CHD1L: variants seen among roughly 807,000 people sequenced by gnomAD.
CHD1L encodes ATP-dependent chromatin remodeler CHD1L.
CHD1L carries 118 observed loss-of-function variants against 115.9 expected under a neutral mutation model. The observed-to-expected ratio is 1.02, with a 90% confidence interval of 0.88 to 1.19. The LOEUF (loss-of-function observed/expected upper bound fraction) is 1.19. Ranked by LOEUF, CHD1L falls within the 50% of genes most tolerant of loss-of-function variation. The probability of loss-of-function intolerance (pLI) is 0.00; values close to 1 mark genes in which losing one functional copy is unlikely to be tolerated. For synonymous variants in CHD1L, 411 were observed against 387.1 expected, an observed-to-expected ratio of 1.06 and a Z score of -0.72; for missense variants, 1,179 against 1,065.3, an observed-to-expected ratio of 1.11 and a Z score of -1.49.
At chr1:147,294,318 G>T (rs587706916) in intron 21 of CHD1L, 91 bp from the exon 22 acceptor site, 1 of 764,642 alleles carries the variant, frequency 1.3e-6, no homozygotes, top group Non-Finnish European at 2.1e-6. Flanking sequence ...CTTTGAGGGA[G>T]ATAGTCAATA....
At chr1:147,197,638 C>T in the CHD1L span, among the ~76,000 whole-genome samples, 1 of 152,038 alleles carries the variant, frequency 6.6e-6, no homozygotes, top group Non-Finnish European at 1.5e-5. Context: ...CTCCTGCCAC[C>T]CTGTGAAGAA....
At chr1:147,207,140 T>C in the CHD1L span, among the ~76,000 whole-genome samples, 1 of 152,192 alleles carries the variant, frequency 6.6e-6, no homozygotes, top group African/African-American at 2.4e-5. Context: ...ATGATGGTTA[T>C]GTAGGAGAAT....
chr1:147,204,150 C>T, the CHD1L span: 2 of 1,077,340 alleles, frequency 1.9e-6, no homozygotes, highest in South Asian at 2.5e-5. Flanking sequence ...AATTCTTCAT[C>T]AGTCTTTATC....
chr1:147,294,607 A>C, intron 22 of CHD1L, 90 bp downstream of exon 22: 1 of 959,262 alleles, frequency 1.0e-6, no homozygotes, highest in Non-Finnish European at 1.6e-6. Context: ...TCCAAGACCA[A>C]GTTTCTTCCT....
chr1:147,293,294 A>G (rs1686266849), intron 20 of CHD1L, among the ~76,000 whole-genome samples: 1 of 130,908 alleles, frequency 7.6e-6, no homozygotes, highest in South Asian at 2.6e-4. Context: ...CCATGCCTAC[A>G]ATTCAGAAAA....
In CHD1L at chr1:147,266,014, A is replaced by C; in HGVS notation, c.822A>C (p.Thr274=). 6.2e-7 allele frequency: 1 copy of C among 1,613,992 alleles called. No homozygotes were observed. The highest frequency in any genetic ancestry group is 8.5e-7 in the Non-Finnish European group (1 of 1,179,904). ...TAGCTACAGAGCTTCCCAAGAAGACAGAAGTAGTGATATACCATGGCATGT... is the reference window on the plus strand; with the variant it reads ...TAGCTACAGAGCTTCCCAAGAAGACCGAAGTAGTGATATACCATGGCATGT... The part of the protein sequence containing the change: ...AEVATELPKK[T]EVVIYHGMSA... Residue 274 remains threonine, a synonymous_variant, in exon 8 of 23, where the codon ACA becomes ACC. Coordinates refer to ENST00000369258, the MANE Select transcript of CHD1L (RefSeq NM_004284.6).
chr1:147,268,423 CT>C (rs1227609113), intron 9 of CHD1L, among the ~76,000 whole-genome samples: 1 of 152,096 alleles, frequency 6.6e-6, no homozygotes, highest in Non-Finnish European at 1.5e-5. Flanking sequence ...CATATGAGAA[CT>C]TTTTTTAAGA....
At chr1:147,187,228 C>A in the CHD1L span, 1 of 1,607,352 alleles carries the variant, frequency 6.2e-7, no homozygotes, top group Non-Finnish European at 8.5e-7. Flanking sequence ...AATGGTATGG[C>A]GTTGGCTCTC....
chr1:147,270,910 T>C lies in CHD1L; in HGVS notation c.1086-22T>C, dbSNP rs782020016. The C allele has an allele frequency of 4.3e-6, 7 of 1,610,304 alleles. No individual in the cohort carries two copies. The Admixed American group carries it at 8.3e-5, about 19-fold the overall frequency. ...TAAATACCACTAGACTTGGCAGTGTTTCCTTTTCTTTTTCTTGCCAGGGGC... is the reference window on the plus strand; with the variant it reads ...TAAATACCACTAGACTTGGCAGTGTCTCCTTTTCTTTTTCTTGCCAGGGGC... On this transcript the variant is annotated intron_variant, in intron 10 of 22. Coordinates refer to ENST00000369258, the MANE Select transcript of CHD1L (RefSeq NM_004284.6).
At chr1:147,211,043 G>GT in the CHD1L span, 3 of 152,174 alleles carry the variant, frequency 2.0e-5, no homozygotes, top group Non-Finnish European at 4.4e-5. Context: ...TAAAAAGTTA[G>GT]AACTCAGCAA....
the CHD1L span, chr1:147,186,281 G>A: frequency 1.0e-6 from 1 of 970,760 alleles, no homozygotes; most frequent in Non-Finnish European, 1.2e-6. Flanking sequence ...TTTCTTTATT[G>A]AGAAAATAAA....
At chr1:147,227,306 C>T in the CHD1L span, among the ~76,000 whole-genome samples, 2 of 152,250 alleles carry the variant, frequency 1.3e-5, no homozygotes, top group East Asian at 1.9e-4. Flanking sequence ...ATTTTGAATG[C>T]ACTAGAAGAA....
At chr1:147,252,464 A>T (rs1668705958) in intron 1 of CHD1L, among the ~76,000 whole-genome samples, 159 bp from the exon 2 acceptor site, 1 of 152,242 alleles carries the variant, frequency 6.6e-6, no homozygotes, top group African/African-American at 2.4e-5. Flanking sequence ...GGAAGTCAGC[A>T]GATGTTTAGA....
the CHD1L span, among the ~76,000 whole-genome samples, chr1:147,223,192 C>T: frequency 5.3e-5 from 8 of 152,158 alleles, no homozygotes; most frequent in Non-Finnish European, 1.0e-4. Context: ...AACCTCCATA[C>T]CATATTGTGG....
intron 5 of CHD1L, among the ~76,000 whole-genome samples, chr1:147,257,676 T>C (rs967607585): frequency 6.6e-6 from 1 of 152,174 alleles, no homozygotes; most frequent in Non-Finnish European, 1.5e-5. Flanking sequence ...GTACTTTACA[T>C]AAATTATCCC....
the CHD1L span, among the ~76,000 whole-genome samples, chr1:147,192,451 C>T: frequency 2.6e-5 from 4 of 152,116 alleles, no homozygotes; most frequent in Non-Finnish European, 5.9e-5. Context: ...ATCATGTCGT[C>T]TGCAAACAGG....
chr1:147,257,200 C>T (rs587700522), intron 5 of CHD1L, among the ~76,000 whole-genome samples: 2 of 150,214 alleles, frequency 1.3e-5, no homozygotes. Context: ...GTTTCATTCT[C>T]TATAACCTCT....
At chr1:147,278,243 T>TTTC (rs1284406926) in intron 14 of CHD1L, among the ~76,000 whole-genome samples, 1 of 146,178 alleles carries the variant, frequency 6.8e-6, no homozygotes, top group Non-Finnish European at 1.5e-5. Context: ...TTTTTTTTTT[T>TTTC]GAGACAGAGT....
At chr1:147,261,401 CTT>C (rs201084245) in intron 6 of CHD1L, among the ~76,000 whole-genome samples, 1 of 129,004 alleles carries the variant, frequency 7.8e-6, no homozygotes, top group Non-Finnish European at 1.7e-5. Flanking sequence ...CTGCATGACA[CTT>C]TTTTTTTTTT....
Sources: gnomAD v4.1 joint callset for allele counts (sites outside exome capture counted in the v4.1 genomes callset) on GRCh38, gnomAD v4.1.1 for gene constraint, MANE v1.5 for transcripts, NCBI Gene and HGNC (gene_info 2026-07-23, HGNC 2026-07-21) for gene names.